SHISA6: variants seen among roughly 807,000 people sequenced by gnomAD.
SHISA6 encodes protein shisa-6.
Under a neutral mutation model 47.9 loss-of-function variants are expected in SHISA6, and 22 were observed. That is an observed-to-expected ratio of 0.46 (90% CI 0.33 to 0.66). The LOEUF (loss-of-function observed/expected upper bound fraction) is 0.66. Ranked by LOEUF, SHISA6 falls within the 30% of genes least tolerant of loss-of-function variation. The pLI is 0.02. For synonymous variants in SHISA6, 388 were observed against 337.8 expected (o/e 1.15, Z -1.63); for missense variants, 680 against 764.6 (o/e 0.89, Z 1.30).
chr17:11,486,163 T>C (rs2068746), intron 3 of SHISA6, among the ~76,000 whole-genome samples: 40,246 of 152,102 alleles, frequency 0.26, 5,357 homozygotes, highest in Admixed American at 0.3. Flanking sequence ...TGTGCTGAAG[T>C]GGCTGCCAAG....
At chr17:11,271,959 C>A (rs1178829028) in intron 2 of SHISA6, among the ~76,000 whole-genome samples, 2 of 151,992 alleles carry the variant, frequency 1.3e-5, no homozygotes, top group African/African-American at 4.8e-5. Context: ...GATGAGCCCA[C>A]CCTCCTTTTC....
intron 1 of SHISA6, among the ~76,000 whole-genome samples, chr17:11,260,696 C>T (rs996252812): frequency 1.3e-5 from 2 of 151,976 alleles, no homozygotes; most frequent in Non-Finnish European, 2.9e-5. Context: ...CTTCTCTGAA[C>T]CTTCCCTGCT....
At chr17:11,308,974 A>T (rs1189905242) in intron 2 of SHISA6, among the ~76,000 whole-genome samples, 3 of 151,768 alleles carry the variant, frequency 2.0e-5, no homozygotes, top group African/African-American at 7.3e-5. Flanking sequence ...GGCTTTTTAA[A>T]TTTTTTTTGA....
intron 2 of SHISA6, among the ~76,000 whole-genome samples, chr17:11,302,497 AT>A (rs34359478): frequency 6.6e-6 from 1 of 152,118 alleles, no homozygotes; most frequent in Non-Finnish European, 1.5e-5. Flanking sequence ...ATCTGCCTGT[AT>A]TTTATTGCAA....
At chr17:11,384,413 T>C (rs1328047013) in intron 3 of SHISA6, among the ~76,000 whole-genome samples, 1 of 152,244 alleles carries the variant, frequency 6.6e-6, no homozygotes, top group East Asian at 1.9e-4. Context: ...CTGCCCTTCC[T>C]GGGAGAAAGC....
intron 3 of SHISA6, among the ~76,000 whole-genome samples, chr17:11,495,811 T>A (rs563773124): frequency 6.6e-6 from 1 of 152,324 alleles, no homozygotes; most frequent in South Asian, 2.1e-4. Context: ...AGGGAGTTGA[T>A]TTATCTATGG....
chr17:11,439,870 C>A (rs568881019), intron 3 of SHISA6, among the ~76,000 whole-genome samples: 1 of 152,080 alleles, frequency 6.6e-6, no homozygotes, highest in African/African-American at 2.4e-5. Context: ...GCTTTCTTTT[C>A]GTGTTTTTTG....
At chr17:11,421,395 A>C (rs1004034207) in intron 3 of SHISA6, among the ~76,000 whole-genome samples, 1 of 152,226 alleles carries the variant, frequency 6.6e-6, no homozygotes, top group African/African-American at 2.4e-5. Context: ...GGCCCCATCA[A>C]TGTCTACTGT....
At chr17:11,293,282 C>T (rs1053904632) in intron 2 of SHISA6, among the ~76,000 whole-genome samples, 8 of 152,016 alleles carry the variant, frequency 5.3e-5, no homozygotes, top group Admixed American at 2.0e-4. Context: ...AGGGTGAAGT[C>T]GGTGCATTGG....
intron 2 of SHISA6, among the ~76,000 whole-genome samples, chr17:11,365,040 T>C (rs549324903): frequency 6.6e-6 from 1 of 152,324 alleles, no homozygotes; most frequent in Admixed American, 6.5e-5. Context: ...TCAAGTTTCC[T>C]CACCTATAAT....
At chr17:11,271,548 C>T (rs147566388) in intron 2 of SHISA6, among the ~76,000 whole-genome samples, 1 of 151,362 alleles carries the variant, frequency 6.6e-6, no homozygotes, top group East Asian at 1.9e-4. Context: ...AGCGGTTCTC[C>T]TGCCTCAGCC....
chr17:11,430,888 A>T (rs1000282308), intron 3 of SHISA6, among the ~76,000 whole-genome samples: 4 of 152,246 alleles, frequency 2.6e-5, no homozygotes, highest in African/African-American at 4.8e-5. Context: ...CACATAGCAC[A>T]GCACGAGGCT....
intron 2 of SHISA6, among the ~76,000 whole-genome samples, chr17:11,378,977 G>A (rs1347671249): frequency 1.3e-5 from 2 of 151,902 alleles, no homozygotes; most frequent in Non-Finnish European, 2.9e-5. Flanking sequence ...TAAGGTTCTG[G>A]TGTACCTTGC....
At chr17:11,349,525 T>C (rs766853298) in intron 2 of SHISA6, among the ~76,000 whole-genome samples, 10 of 152,340 alleles carry the variant, frequency 6.6e-5, no homozygotes, top group South Asian at 2.1e-4. Flanking sequence ...ATGGATTTTA[T>C]GGGTCAACAC....
At chr17:11,316,348 T>C (rs1259478381) in intron 2 of SHISA6, among the ~76,000 whole-genome samples, 4 of 104,886 alleles carry the variant, frequency 3.8e-5, no homozygotes, top group Non-Finnish European at 6.6e-5. Flanking sequence ...TTTTTTTTTG[T>C]ATTCAATGGG....
chr17:11,383,742 T>C (rs1597486426), intron 3 of SHISA6, among the ~76,000 whole-genome samples: 1 of 152,214 alleles, frequency 6.6e-6, no homozygotes, highest in African/African-American at 2.4e-5. Context: ...ATGTCTCCCT[T>C]TCTTGGTTCC....
chr17:11,372,232 C>T (rs1280701172), intron 2 of SHISA6, among the ~76,000 whole-genome samples: 1 of 152,150 alleles, frequency 6.6e-6, no homozygotes, highest in Non-Finnish European at 1.5e-5. Flanking sequence ...GAATCCTGCA[C>T]TGTCTAGCCT....
intron 1 of SHISA6, among the ~76,000 whole-genome samples, chr17:11,255,245 G>C (rs981019290): frequency 6.6e-6 from 1 of 152,114 alleles, no homozygotes; most frequent in Non-Finnish European, 1.5e-5. Flanking sequence ...CTGCCCTTCT[G>C]ATATTTGCAT....
At chr17:11,477,302 TAC>T (rs1369564685) in intron 3 of SHISA6, among the ~76,000 whole-genome samples, 1 of 133,876 alleles carries the variant, frequency 7.5e-6, no homozygotes, top group Non-Finnish European at 1.6e-5. Flanking sequence ...CCATATTTAT[TAC>T]AGTTTTCTGT....
Sources: gnomAD v4.1 joint callset for allele counts (sites outside exome capture counted in the v4.1 genomes callset) on GRCh38, gnomAD v4.1.1 for gene constraint, MANE v1.5 for transcripts, NCBI Gene and HGNC (gene_info 2026-07-23, HGNC 2026-07-21) for gene names.